The following ADCY9 variants were observed in gnomAD, a reference collection of about 807,000 sequenced individuals.
ADCY9 encodes the protein adenylate cyclase 9, also known as adenylate cyclase type 9.
ADCY9 carries 50 observed loss-of-function variants against 101.5 expected under a neutral mutation model. The ratio of observed to expected loss-of-function variants is 0.49; its 90% CI spans 0.39 to 0.62. ADCY9 has a LOEUF of 0.62. Ranked by LOEUF, ADCY9 falls within the 20% of genes least tolerant of loss-of-function variation. The pLI is 0.00. For missense variants in ADCY9, 1,662 were observed against 1,800.4 expected, an observed-to-expected ratio of 0.92 and a Z score of 1.39; for synonymous variants, 905 against 769.3, an observed-to-expected ratio of 1.18 and a Z score of -2.92.
rs764068928 is a variant in ADCY9, at chr16:3,983,296, C to G, written c.2455G>C (p.Ala819Pro). 2.6e-6 allele frequency: 4 copies of G among 1,561,120 alleles called. No homozygotes were observed. The highest frequency in any genetic ancestry group is 1.9e-5 in the Admixed American group (1 of 51,842). ...YEAATVPPPP[A>P]ALAVFSAALL... ...GCTGCACTGAAGACCGCCAGGGCGGCGGGCGGGGGAGGCACGGTGGCCGCC... is the reference window on the plus strand; with the variant it reads ...GCTGCACTGAAGACCGCCAGGGCGGGGGGCGGGGGAGGCACGGTGGCCGCC... Residue 819 changes from alanine to proline, a missense_variant, in exon 7 of 11, where the codon GCC becomes CCC. By Grantham distance (27) the Ala-to-Pro change is conservative. This residue lies in a region of ADCY9 where 624 missense variants were observed against 639.1 expected (regional missense o/e 0.98). Coordinates refer to ENST00000294016, the MANE Select transcript of ADCY9 (RefSeq NM_001116.4).
intron 10 of ADCY9, among the ~76,000 whole-genome samples, chr16:3,970,087 G>A (rs778140202): frequency 3.3e-5 from 5 of 152,016 alleles, no homozygotes; most frequent in African/African-American, 9.7e-5. Context: ...CATTCCTCCC[G>A]CGCACAGAGT....
chr16:4,014,691 G>A (rs906265483), intron 2 of ADCY9, among the ~76,000 whole-genome samples: 3 of 151,720 alleles, frequency 2.0e-5, no homozygotes, highest in African/African-American at 4.8e-5. Flanking sequence ...CAAATGATCC[G>A]CCTGCCTCTG....
chr16:4,000,410 T>C (rs190851402), intron 3 of ADCY9, among the ~76,000 whole-genome samples: 111 of 152,306 alleles, frequency 7.3e-4, no homozygotes, highest in African/African-American at 2.5e-3. Context: ...GGCAGAGCCA[T>C]GGGGCTAACT....
At chr16:3,988,712 C>G (rs1209472645) in intron 6 of ADCY9, among the ~76,000 whole-genome samples, 3 of 151,138 alleles carry the variant, frequency 2.0e-5, no homozygotes, top group Admixed American at 1.3e-4. Context: ...GGTGGGGGGG[C>G]CCCTTCCAAG....
intron 2 of ADCY9, among the ~76,000 whole-genome samples, chr16:4,030,067 C>T (rs2056544650): frequency 6.6e-6 from 1 of 152,030 alleles, no homozygotes; most frequent in Non-Finnish European, 1.5e-5. Flanking sequence ...ATGTTATCAC[C>T]ATTTGTTATC....
intron 2 of ADCY9, among the ~76,000 whole-genome samples, chr16:4,008,118 G>A (rs1340711488): frequency 6.6e-6 from 1 of 151,730 alleles, no homozygotes; most frequent in Non-Finnish European, 1.5e-5. Flanking sequence ...TTTCCTGTTG[G>A]ATTCAAACAC....
At chr16:4,097,514 T>G (rs75863162) in intron 2 of ADCY9, among the ~76,000 whole-genome samples, 1 of 113,824 alleles carries the variant, frequency 8.8e-6, no homozygotes, top group Non-Finnish European at 1.8e-5. Context: ...TATATATGTA[T>G]AAATACATAT....
rs543503895 is a variant in ADCY9 at position 3,977,637 on chromosome 16, G to T, written c.2680-7C>A. 43 of 1,612,528 alleles carry T rather than the reference G, an allele frequency of 2.7e-5. No homozygotes were observed. The highest frequency in any genetic ancestry group is 3.3e-5 in the Non-Finnish European group (39 of 1,179,688). ...AGCCTGTGAACACTGGGAACTGCAA[G>T]AGGCGAAGGGTTAGGACAGCCGCCC... On this transcript the variant is annotated splice_polypyrimidine_tract_variant and splice_region_variant and intron_variant, in intron 8 of 10. Coordinates refer to ENST00000294016, the MANE Select transcript of ADCY9 (RefSeq NM_001116.4).
Position 4,034,817 on chromosome 16 carries a change from C to T in ADCY9, c.1694-27259G>A, listed in dbSNP as rs76103543. ...TAACATAAGGCTGGTAGCTGACAGA[C>T]CCCTGAAGTGTAACTATGAAGGCGG... is the stretch of plus-strand genomic sequence containing the variant. On this transcript the variant is annotated intron_variant, in intron 2 of 10. Coordinates refer to ENST00000294016, the MANE Select transcript of ADCY9 (RefSeq NM_001116.4). Among the ~76,000 whole-genome samples, 1,206 of 152,288 alleles carry T rather than the reference C, an allele frequency of 7.9e-3. 9 individuals carry two copies. The highest frequency in any genetic ancestry group is 0.027 in the African/African-American group (1,129 of 41,540).
At chr16:3,980,915 CAG>C (rs938823599) in intron 7 of ADCY9, among the ~76,000 whole-genome samples, 8 of 152,192 alleles carry the variant, frequency 5.3e-5, no homozygotes, top group Non-Finnish European at 1.0e-4. Context: ...TGGGGCAGAG[CAG>C]AGAGGGTGAT....
intron 2 of ADCY9, among the ~76,000 whole-genome samples, chr16:4,108,848 G>C (rs1041087358): frequency 6.6e-6 from 1 of 151,636 alleles, no homozygotes; most frequent in Non-Finnish European, 1.5e-5. Flanking sequence ...TGGGATTACA[G>C]GTACCTGCCA....
At position 4,114,001 on chromosome 16, in the gene ADCY9, T is replaced by G. The variant is rs1293349685; in HGVS notation, c.1442A>C (p.Lys481Thr). Residue 481 changes from lysine to threonine, a missense_variant, in exon 2 of 11, where the codon AAG becomes ACG. By Grantham distance (78) the Lys-to-Thr change is moderately conservative. Transcript: ENST00000294016. This position sits in a 1 kb window ranked among gnomAD's most constrained non-coding sequence, Gnocchi z 4.3. ...CCCGACTCTCATGTTCACCATCTCCTTCTTCTCCTGGCAGAACTGCTCGAT... is the reference window on the plus strand; with the variant it reads ...CCCGACTCTCATGTTCACCATCTCCGTCTTCTCCTGGCAGAACTGCTCGAT... ...KAIEQFCQEK[K>T]EMVNMRVGVH... is the part of the protein sequence containing the mutation. The G allele has an allele frequency of 4.3e-6, 7 of 1,613,758 alleles. No homozygotes were observed. The African/African-American group carries it at 6.7e-5, about 15-fold the overall frequency.
chr16:4,092,203 G>A (rs940266729), intron 2 of ADCY9, among the ~76,000 whole-genome samples: 1 of 152,214 alleles, frequency 6.6e-6, no homozygotes, highest in Non-Finnish European at 1.5e-5. Flanking sequence ...CCAGGAAACG[G>A]AGGTTGCAGT....
intron 9 of ADCY9, 96 bp downstream of exon 9, chr16:3,977,386 G>A: frequency 6.9e-7 from 1 of 1,442,046 alleles, no homozygotes; most frequent in South Asian, 1.4e-5. Flanking sequence ...CTCTATCGGG[G>A]CGTGAGAAGC....
intron 2 of ADCY9, among the ~76,000 whole-genome samples, chr16:4,100,147 C>T (rs1373641699): frequency 6.6e-6 from 1 of 152,056 alleles, no homozygotes; most frequent in Admixed American, 6.6e-5. Flanking sequence ...TTAAAAGTGG[C>T]AGTTCCCCCT....
intron 8 of ADCY9, among the ~76,000 whole-genome samples, chr16:3,978,029 T>A (rs1018960248): frequency 6.6e-6 from 1 of 152,212 alleles, no homozygotes; most frequent in Non-Finnish European, 1.5e-5. Context: ...AATCCATGTT[T>A]CTGTGTAACC....
At chr16:4,101,886 G>A (rs988106438) in intron 2 of ADCY9, among the ~76,000 whole-genome samples, 4 of 152,124 alleles carry the variant, frequency 2.6e-5, no homozygotes, top group African/African-American at 7.2e-5. Flanking sequence ...GCCTAGGAAC[G>A]AGCCTGCTGA....
intron 2 of ADCY9, among the ~76,000 whole-genome samples, chr16:4,046,273 CACAACACCCAG>C (rs2056664162): frequency 3.3e-5 from 5 of 152,166 alleles, no homozygotes; most frequent in Admixed American, 3.3e-4. Flanking sequence ...AGCACTGAAC[CACAACACCCAG>C]TGCCCAGCAC....
At chr16:4,102,954 T>C (rs1373488755) in intron 2 of ADCY9, among the ~76,000 whole-genome samples, 1 of 152,120 alleles carries the variant, frequency 6.6e-6, no homozygotes, top group Non-Finnish European at 1.5e-5. Flanking sequence ...ACTCTTGACC[T>C]CAGGTGATCC....
Sources: allele counts gnomAD v4.1 joint callset (sites outside exome capture counted in the v4.1 genomes callset), GRCh38; gene constraint gnomAD v4.1.1; regional missense constraint gnomAD v4.1.1; non-coding constraint Gnocchi (gnomAD v3.1); transcripts MANE v1.5; gene names NCBI Gene and HGNC (gene_info 2026-07-23, HGNC 2026-07-21).